CRLS1: variants seen among roughly 807,000 people sequenced by gnomAD.
CRLS1 encodes cardiolipin synthase (CMP-forming).
CRLS1 carries 24 observed loss-of-function variants against 37.0 expected under a neutral mutation model. The ratio of observed to expected loss-of-function variants is 0.65; its 90% confidence interval spans 0.47 to 0.91. The LOEUF (loss-of-function observed/expected upper bound fraction) is 0.91, where lower values mean the gene tolerates loss of function less well. Among genes scored for constraint, CRLS1 ranks in the 40% least tolerant of loss-of-function variants. The pLI is 0.00. For missense variants in CRLS1, 373 were observed against 395.8 expected, an observed-to-expected ratio of 0.94 and a Z score of 0.49; for synonymous variants, 135 against 159.7, an observed-to-expected ratio of 0.85 and a Z score of 1.17.
At chr20:6,025,517 A>G (rs115986950) in intron 3 of CRLS1, among the ~76,000 whole-genome samples, 2,346 of 152,350 alleles carry the variant, frequency 0.015, 59 homozygotes, top group African/African-American at 0.053. Context: ...TTGTTTTCAT[A>G]CCTACTAACA....
intron 1 of CRLS1, 81 bp from the exon 2 acceptor site, chr20:6,009,694 A>G: frequency 1.8e-6 from 2 of 1,105,418 alleles, no homozygotes. Context: ...GATGAAGTAT[A>G]TTTTTCTAAT....
intron 3 of CRLS1, among the ~76,000 whole-genome samples, chr20:6,025,789 A>G (rs576260917): frequency 3.3e-5 from 5 of 152,238 alleles, no homozygotes; most frequent in Non-Finnish European, 5.9e-5. Context: ...TGAGGGGTTC[A>G]AGACTAGTGG....
At chr20:6,027,338 G>A (rs1298890423) in intron 3 of CRLS1, among the ~76,000 whole-genome samples, 3 of 151,932 alleles carry the variant, frequency 2.0e-5, no homozygotes, top group Admixed American at 6.6e-5. Flanking sequence ...ACCTGCCTCG[G>A]CCTCCCAAAG....
chr20:6,032,586 G>C (rs576673187), intron 5 of CRLS1, among the ~76,000 whole-genome samples: 2 of 152,220 alleles, frequency 1.3e-5, no homozygotes, highest in East Asian at 3.9e-4. Context: ...ATACCAAATG[G>C]CTGTTCATTT....
At chr20:6,020,800 T>A (rs1979206098) in intron 3 of CRLS1, among the ~76,000 whole-genome samples, 1 of 146,312 alleles carries the variant, frequency 6.8e-6, no homozygotes, top group African/African-American at 2.5e-5. Context: ...TTTTTTGTAT[T>A]TTTTTTTTTT....
intron 6 of CRLS1, 120 bp downstream of exon 6, chr20:6,034,675 T>C: frequency 2.9e-6 from 2 of 695,802 alleles, no homozygotes; most frequent in Non-Finnish European, 4.8e-6. Flanking sequence ...GCTGTGGCTA[T>C]ATTTGGTGAT....
intron 3 of CRLS1, among the ~76,000 whole-genome samples, chr20:6,026,644 A>G (rs1164975106): frequency 6.6e-6 from 1 of 152,142 alleles, no homozygotes; most frequent in African/African-American, 2.4e-5. Flanking sequence ...CTGCTAACTT[A>G]TATTTGAATG....
intron 2 of CRLS1, among the ~76,000 whole-genome samples, chr20:6,012,594 C>A (rs1020333596): frequency 6.6e-6 from 1 of 152,208 alleles, no homozygotes; most frequent in Non-Finnish European, 1.5e-5. Context: ...CTGTGATGGG[C>A]AACACTTGAG....
intron 6 of CRLS1, among the ~76,000 whole-genome samples, chr20:6,036,679 C>G (rs866228319): frequency 2.6e-5 from 4 of 152,166 alleles, no homozygotes; most frequent in South Asian, 4.1e-4. Context: ...CCATTTCCCC[C>G]TTCTGGAGAA....
chr20:6,023,962 T>C (rs1345485656), intron 3 of CRLS1, among the ~76,000 whole-genome samples: 1 of 152,068 alleles, frequency 6.6e-6, no homozygotes, highest in African/African-American at 2.4e-5. Flanking sequence ...ACATTTTTTT[T>C]TTTTTCCTGA....
chr20:6,033,870 TC>T (rs1357175366), intron 5 of CRLS1, among the ~76,000 whole-genome samples: 9 of 152,160 alleles, frequency 5.9e-5, no homozygotes, highest in African/African-American at 2.2e-4. Flanking sequence ...GGTTTCAAAC[TC>T]CTGGGCTCAA....
chr20:6,018,164 C>T (rs534180123), intron 3 of CRLS1, among the ~76,000 whole-genome samples: 2 of 126,764 alleles, frequency 1.6e-5, no homozygotes, highest in African/African-American at 3.2e-5. Context: ...TGCAATGAGC[C>T]GAGATTATAC....
At chr20:6,018,195 G>A (rs1162930422) in intron 3 of CRLS1, among the ~76,000 whole-genome samples, 1 of 122,448 alleles carries the variant, frequency 8.2e-6, no homozygotes, top group African/African-American at 3.2e-5. Flanking sequence ...CAGCCCGAGT[G>A]ATGGAGTGAG....
At chr20:6,029,598 A>G (rs941470453) in intron 3 of CRLS1, among the ~76,000 whole-genome samples, 6 of 152,182 alleles carry the variant, frequency 3.9e-5, no homozygotes, top group Admixed American at 6.5e-5. Flanking sequence ...ACCTCCGGTG[A>G]TCTGCCTGCC....
chr20:6,020,144 G>A (rs930810903), intron 3 of CRLS1, among the ~76,000 whole-genome samples: 9 of 152,148 alleles, frequency 5.9e-5, no homozygotes, highest in African/African-American at 1.9e-4. Flanking sequence ...ATAAATTAAT[G>A]AGAATTTTTT....
At chr20:6,020,450 A>T (rs566559712) in intron 3 of CRLS1, among the ~76,000 whole-genome samples, 4 of 152,200 alleles carry the variant, frequency 2.6e-5, no homozygotes, top group African/African-American at 9.6e-5. Context: ...TTACAATTTC[A>T]GTCATAATAA....
At chr20:6,036,396 A>C (rs1410655334) in intron 6 of CRLS1, among the ~76,000 whole-genome samples, 1 of 152,226 alleles carries the variant, frequency 6.6e-6, no homozygotes, top group Non-Finnish European at 1.5e-5. Flanking sequence ...TGGGCGCACT[A>C]AAAAGTAATC....
intron 1 of CRLS1, among the ~76,000 whole-genome samples, chr20:6,009,367 A>G (rs1486605459): frequency 2.6e-5 from 4 of 152,058 alleles, no homozygotes; most frequent in Admixed American, 1.3e-4. Flanking sequence ...ATAATATGTA[A>G]GACACCTTAC....
At position 6,018,344 on chromosome 20, in the gene CRLS1, T is replaced by A. The variant is rs1252679165; in HGVS notation, c.574+2854T>A. Among the ~76,000 whole-genome samples the A allele has an allele frequency of 2.0e-5, 3 of 152,214 alleles. No homozygotes were observed. The East Asian group carries it at 5.8e-4, about 29-fold the overall frequency. On this transcript the variant is annotated intron_variant, in intron 3 of 6. Transcript: ENST00000378863. The stretch of plus-strand genomic sequence containing the variant: ...AACTTGTATTCTAACAATATACATA[T>A]AAATTTGCTTGGATTTTTTACATGC...
Sources: gnomAD v4.1 joint callset for allele counts (sites outside exome capture counted in the v4.1 genomes callset) on GRCh38, gnomAD v4.1.1 for gene constraint, MANE v1.5 for transcripts, NCBI Gene and HGNC (gene_info 2026-07-23, HGNC 2026-07-21) for gene names.